The following GALNS variants were observed in gnomAD, a reference collection of about 807,000 sequenced individuals.
GALNS encodes the protein galactosamine (N-acetyl)-6-sulfatase, also known as N-acetylgalactosamine-6-sulfatase.
A neutral mutation model predicts 65.9 loss-of-function variants in GALNS; 65 were observed. The ratio of observed to expected loss-of-function variants is 0.99; its 90% confidence interval spans 0.81 to 1.21. The LOEUF is 1.21. Among genes scored for constraint, GALNS ranks in the 50% most tolerant of loss-of-function variants. The pLI is 0.00. For synonymous variants in GALNS, 346 were observed against 288.9 expected (o/e 1.20, Z -2.00); for missense variants, 776 against 700.7 (o/e 1.11, Z -1.21).
At position 88,837,847 on chromosome 16, in the gene GALNS, AC is replaced by A. The variant is rs1912304148; in HGVS notation, c.423-83del. 5 of 1,484,320 alleles carry A rather than the reference AC, an allele frequency of 3.4e-6. No homozygotes were observed. In the African/African-American group the frequency reaches 6.9e-5, roughly 21 times the overall value. The allele number at this position is 1,484,320 out of a possible 1,614,324, so 91.9% of individuals were successfully genotyped here. On this transcript the variant is annotated intron_variant, in intron 4 of 13. Transcript: ENST00000268695. ...CTGAGCAGCAACAGATACCACCTTC[AC>A]AAAATTCTTGGTAAGACGAGCACCC...
Position 88,814,074 on chromosome 16 carries a change from G to A in GALNS, c.*365C>T, listed in dbSNP as rs1909380690. On this transcript the variant is annotated 3_prime_UTR_variant, in exon 14 of 14. Transcript: ENST00000268695. Reference sequence around the variant, plus strand: ...CAAACTGTATCCCCAGCCACCTCAGGCACCTGTTGTCAGGACCTCCTGAGG... The same window carrying A: ...CAAACTGTATCCCCAGCCACCTCAGACACCTGTTGTCAGGACCTCCTGAGG... The A allele has an allele frequency of 1.8e-5, 7 of 386,244 alleles. No individual in the cohort carries two copies. The highest frequency in any genetic ancestry group is 4.9e-6 in the Non-Finnish European group (1 of 202,526). The allele number at this position is 386,244 out of a possible 1,614,324, so 23.9% of individuals were successfully genotyped here.
intron 2 of GALNS, 80 bp downstream of exon 2, chr16:88,842,626 G>C (rs939498748): frequency 9.7e-6 from 15 of 1,552,430 alleles, no homozygotes; most frequent in South Asian, 3.5e-5. Flanking sequence ...CAGCCGCCCA[G>C]AGTCAGGGCT....
At position 88,842,720 on chromosome 16, in the gene GALNS, G is replaced by A. The variant is rs1422505598; in HGVS notation, c.230C>T (p.Pro77Leu). 1.2e-6 allele frequency: 2 copies of A among 1,612,948 alleles called. No individual in the cohort carries two copies. Among genetic ancestry groups the A allele is most frequent in the Non-Finnish European group, 1.7e-6 (2 of 1,179,778 alleles). The stretch of plus-strand genomic sequence containing the variant: ...CGCTGACTTACATGGCGAGCACAGA[G>A]GGTTGGCAGAATAGAAGTTTGGGAA... ...LLFPNFYSAN[P>L]LCSPSRAALL... The change falls in exon 2 of 14, where the codon CCT becomes CTT. Residue 77 changes from proline to leucine, a missense_variant. Pro to Leu is a moderately conservative substitution (Grantham distance 98). Transcript: ENST00000268695.
chr16:88,837,029 G>A lies in GALNS; in HGVS notation c.566+593C>T, dbSNP rs897260339. On this transcript the variant is annotated intron_variant, in intron 5 of 13. Coordinates refer to ENST00000268695, the MANE Select transcript of GALNS (RefSeq NM_000512.5). ...TCCACGGGGCTCTATCTAGAAAGAG[G>A]CAGCAAGCTGGTGCTGCTTCTGGTC... Among the ~76,000 whole-genome samples the A allele has an allele frequency of 3.3e-5, 5 of 152,258 alleles. No individual in the cohort carries two copies. The South Asian group carries it at 1.0e-3, about 31-fold the overall frequency.
At chr16:88,853,072 G>A (rs1234874616) in intron 1 of GALNS, among the ~76,000 whole-genome samples, 1 of 151,890 alleles carries the variant, frequency 6.6e-6, no homozygotes, top group Non-Finnish European at 1.5e-5. Context: ...CCAATATGGT[G>A]AAACCCCGTC....
chr16:88,825,406 G>A (rs1910764034), intron 10 of GALNS, among the ~76,000 whole-genome samples: 1 of 142,574 alleles, frequency 7.0e-6, no homozygotes, highest in South Asian at 2.2e-4. Flanking sequence ...GGGCTGGGGT[G>A]ACTGGGTGTC....
chr16:88,820,532 G>A (rs1490426510), intron 12 of GALNS, among the ~76,000 whole-genome samples: 1 of 152,346 alleles, frequency 6.6e-6, no homozygotes, highest in East Asian at 1.9e-4. Context: ...TGTGACCTCA[G>A]GGACAGTGGT....
chr16:88,856,028 G>A (rs1967838848), intron 1 of GALNS: 2 of 610,324 alleles, frequency 3.3e-6, no homozygotes, highest in South Asian at 1.9e-5. Flanking sequence ...CAACCCAGGT[G>A]TGTCTGGGGT....
In GALNS at chr16:88,842,842, G is replaced by A. The variant is rs1967042684; in HGVS notation, c.121-13C>T. 6.2e-7 allele frequency: 1 copy of A among 1,612,640 alleles called. No individual in the cohort carries two copies. Among genetic ancestry groups the A allele is most frequent in the South Asian group, 1.1e-5 (1 of 90,990 alleles). ...CACCCCATCCCATCTGCAGGGAAGA[G>A]CACGGGGAGGAGGAATGAGCGCCTT... On this transcript the variant is annotated splice_polypyrimidine_tract_variant and intron_variant, in intron 1 of 13. Transcript: ENST00000268695.
chr16:88,838,026 G>A (rs556327776), intron 4 of GALNS: 29 of 487,068 alleles, frequency 6.0e-5, no homozygotes, highest in Admixed American at 2.3e-4. Flanking sequence ...TTCCCTGCAC[G>A]GTGAAGGGTG....
chr16:88,839,282 C>T (rs112062852), intron 4 of GALNS, among the ~76,000 whole-genome samples: 1 of 149,682 alleles, frequency 6.7e-6, no homozygotes, highest in Middle Eastern at 3.5e-3. Context: ...AGGGGACACT[C>T]GTGCGCCAAC....
chr16:88,855,820 G>A (rs1967811176), intron 1 of GALNS: 1 of 507,174 alleles, frequency 2.0e-6, no homozygotes, highest in African/African-American at 1.9e-5. Flanking sequence ...GGGTCTGAAG[G>A]CACCTGTCAG....
At chr16:88,846,357 G>A (rs531996521) in intron 1 of GALNS, among the ~76,000 whole-genome samples, 3 of 152,102 alleles carry the variant, frequency 2.0e-5, no homozygotes, top group South Asian at 4.2e-4. Flanking sequence ...GGTCAGAGGC[G>A]GGAGACACAC....
intron 6 of GALNS, 69 bp downstream of exon 6, chr16:88,836,132 C>T: frequency 1.4e-6 from 2 of 1,439,224 alleles, no homozygotes; most frequent in Non-Finnish European, 1.9e-6. Flanking sequence ...ACGCCTCCCA[C>T]AGGATGAGGT....
In GALNS at chr16:88,826,831, T is replaced by G. The variant is rs1910979019; in HGVS notation, c.1010A>C (p.His337Pro). 6.3e-7 allele frequency: 1 copy of G among 1,578,698 alleles called. No individual in the cohort carries two copies. The highest frequency in any genetic ancestry group is 1.3e-5 in the African/African-American group (1 of 74,084). Reference sequence around the variant, plus strand: ...GAGGTCCATGATGCTGCCCAGCTGGTGGCTCACCTGAAACACATGGCAGCA... The same window carrying G: ...GAGGTCCATGATGCTGCCCAGCTGGGGGCTCACCTGAAACACATGGCAGCA... ...PGHVTAGQVS[H>P]QLGSIMDLFT... Residue 337 changes from histidine to proline, a missense_variant, in exon 10 of 14, where the codon CAC becomes CCC. His to Pro is a moderately conservative substitution (Grantham distance 77, BLOSUM62 -2). Transcript: ENST00000268695.
Position 88,841,012 on chromosome 16 carries a change from G to C in GALNS, c.402C>G (p.Val134=). ...LPELLKKAGY[V]SKIVGKWHLG... ...CTTACCACTTGCCGACAATCTTGCT[G>C]ACGTAGCCGGCCTTCTTCAGAAGCT... The change falls in exon 4 of 14, where the codon GTC becomes GTG. Residue 134 remains valine, a synonymous_variant. Coordinates refer to ENST00000268695, the MANE Select transcript of GALNS (RefSeq NM_000512.5). 1.2e-6 allele frequency: 2 copies of C among 1,613,216 alleles called. No individual in the cohort carries two copies. The highest frequency in any genetic ancestry group is 1.7e-6 in the Non-Finnish European group (2 of 1,179,914).
intron 4 of GALNS, 89 bp downstream of exon 4, chr16:88,840,903 A>G (rs551213291): frequency 1.9e-6 from 2 of 1,026,872 alleles, no homozygotes; most frequent in East Asian, 4.7e-5. Context: ...CACCCTCCTC[A>G]TTTGGAAACT....
At chr16:88,846,436 G>A (rs1197878084) in intron 1 of GALNS, among the ~76,000 whole-genome samples, 9 of 152,048 alleles carry the variant, frequency 5.9e-5, no homozygotes, top group East Asian at 5.8e-4. Flanking sequence ...GCAGGTTTCC[G>A]AGGGAGCGAG....
rs934286698 is a variant in GALNS at position 88,814,313 on chromosome 16, C to T, written c.*126G>A. 11 of 1,253,644 alleles carry T rather than the reference C, an allele frequency of 8.8e-6. No individual in the cohort carries two copies. The highest frequency in any genetic ancestry group is 2.6e-5 in the South Asian group (2 of 77,712). The allele number at this position is 1,253,644 out of a possible 1,614,324, so 77.7% of individuals were successfully genotyped here. Reference sequence around the variant, plus strand: ...CAGGTGGAATTGTGCAGTCCCCCTGCGTCTGCAGGTGCTGTCTGTCTGGCT... The same window carrying T: ...CAGGTGGAATTGTGCAGTCCCCCTGTGTCTGCAGGTGCTGTCTGTCTGGCT... On this transcript the variant is annotated 3_prime_UTR_variant, in exon 14 of 14. Transcript: ENST00000268695.
Sources: gnomAD v4.1 joint callset for allele counts (sites outside exome capture counted in the v4.1 genomes callset) on GRCh38, gnomAD v4.1.1 for gene constraint, MANE v1.5 for transcripts, NCBI Gene and HGNC (gene_info 2026-07-23, HGNC 2026-07-21) for gene names.